Variants in BCKDK observed in about 807,000 individuals in gnomAD.
BCKDK encodes the protein branched-chain alpha-ketoacid dehydrogenase kinase.
Under a neutral mutation model 43.9 loss-of-function variants are expected in BCKDK, and 28 were observed. The ratio of observed to expected loss-of-function variants is 0.64; its 90% CI spans 0.47 to 0.87. The LOEUF (loss-of-function observed/expected upper bound fraction) is 0.87. Ranked by LOEUF, BCKDK falls within the 40% of genes least tolerant of loss-of-function variation. The pLI, the probability that BCKDK is intolerant of heterozygous loss-of-function variation, is 0.00. For synonymous variants in BCKDK, 257 were observed against 234.3 expected (o/e 1.10, Z -0.88); for missense variants, 483 against 581.4 (o/e 0.83, Z 1.74).
chr16:31,115,530 CT>C (rs1291190244), downstream of BCKDK, among the ~76,000 whole-genome samples: 1 of 151,692 alleles, frequency 6.6e-6, no homozygotes, highest in Non-Finnish European at 1.5e-5. Context: ...GCCTCCTTTT[CT>C]TTCCCCCCTT....
downstream of BCKDK, among the ~76,000 whole-genome samples, chr16:31,114,716 T>C (rs568833450): frequency 1.4e-4 from 21 of 152,306 alleles, no homozygotes; most frequent in Admixed American, 5.2e-4. Context: ...GTTCAACCGT[T>C]ACATAGTTAT....
downstream of BCKDK, chr16:31,115,715 T>C (rs1159953321): frequency 6.6e-6 from 1 of 150,398 alleles, no homozygotes; most frequent in East Asian, 2.0e-4. Context: ...CCCAAATTTT[T>C]AGTAGAAAGG....
chr16:31,115,978 C>G (rs1343028865), downstream of BCKDK: 1 of 152,216 alleles, frequency 6.6e-6, no homozygotes, highest in African/African-American at 2.4e-5. Flanking sequence ...GTGGCGTGAT[C>G]TCAGCTCACT....
rs2057390938 is a variant in BCKDK, at chr16:31,109,401, G to A, written c.178G>A (p.Asp60Asn). 2 of 1,607,972 alleles carry A rather than the reference G, an allele frequency of 1.2e-6. No homozygotes were observed. Among genetic ancestry groups the A allele is most frequent in the Non-Finnish European group, 1.7e-6 (2 of 1,176,040 alleles). Residue 60 changes from aspartate to asparagine, a missense_variant, in exon 2 of 12, where the codon GAC (aspartate) becomes AAC (asparagine). Asp to Asn is a conservative substitution (Grantham distance 23, BLOSUM62 1). Coordinates refer to ENST00000219794, the MANE Select transcript of BCKDK (RefSeq NM_005881.4). This position sits in a 1 kb window ranked among gnomAD's most constrained non-coding sequence, Gnocchi z 5.3. ...CTCCTTTTACAACCAGTCGGCCATC[G>A]ACGCGGCAGCGGAGAAGGTGCGCAA... is the stretch of plus-strand genomic sequence containing the variant. ...VTSFYNQSAIDAAAEKPSVRL... is the reference protein window; with the variant it reads ...VTSFYNQSAINAAAEKPSVRL...
chr16:31,117,555 A>G (rs9923138), downstream of BCKDK: 3,264 of 737,656 alleles, frequency 4.4e-3, 103 homozygotes, highest in African/African-American at 0.055. Context: ...CGGCCACAGA[A>G]GCCAATCGGC....
chr16:31,110,952 G>T lies in BCKDK; in HGVS notation c.717-139G>T. On this transcript the variant is annotated intron_variant, in intron 8 of 11. Transcript: ENST00000219794. The surrounding 1 kb of genome is among the most constrained non-coding windows in gnomAD (Gnocchi z 5.4). ...GTTAGGAAGTTCAGCAGCATCCCTG[G>T]CGCCAGCAGTACTGCCTAGTTGTGA... 7.1e-7 allele frequency: 1 copy of T among 1,416,890 alleles called. No homozygotes were observed. 87.8% of individuals were successfully genotyped at this position (1,416,890 alleles called of 1,614,324 possible).
downstream of BCKDK, chr16:31,117,609 G>GC (rs2143959098): frequency 8.3e-7 from 1 of 1,212,092 alleles, no homozygotes; most frequent in South Asian, 2.1e-5. Context: ...TGAGGAGCCC[G>GC]CCCCACGCAC....
chr16:31,110,123 C>A lies in BCKDK; in HGVS notation c.422C>A (p.Pro141Gln), dbSNP rs765220841. 3.7e-6 allele frequency: 6 copies of A among 1,614,054 alleles called. No homozygotes were observed. Among genetic ancestry groups the A allele is most frequent in the Admixed American group, 1.7e-5 (1 of 59,998 alleles). Reference sequence around the variant, plus strand: ...TTCCAGAAGCTGACAGACTTCCCTCCGGTGAGTGCTGGGCCAGAGCAGGGT... The same window carrying A: ...TTCCAGAAGCTGACAGACTTCCCTCAGGTGAGTGCTGGGCCAGAGCAGGGT... ...RAFQKLTDFP[P>Q]IKDQADEAQY... Residue 141 changes from proline to glutamine, a missense_variant and splice_region_variant, in exon 5 of 12, where the codon CCG becomes CAG. Transcript: ENST00000219794. This position sits in a 1 kb window ranked among gnomAD's most constrained non-coding sequence, Gnocchi z 5.4.
rs1464099534 is a variant in BCKDK at position 31,110,752 on chromosome 16, A to G, written c.707A>G (p.Asp236Gly). 2 of 1,613,976 alleles carry G rather than the reference A, an allele frequency of 1.2e-6. No homozygotes were observed. Among genetic ancestry groups the G allele is most frequent in the Admixed American group, 3.3e-5 (2 of 59,998 alleles). The change falls in exon 8 of 12, where the codon GAC (aspartate) becomes GGC (glycine). Residue 236 changes from aspartate (D) to glycine (G), a missense_variant. Coordinates refer to ENST00000219794, the MANE Select transcript of BCKDK (RefSeq NM_005881.4). This position sits in a 1 kb window ranked among gnomAD's most constrained non-coding sequence, Gnocchi z 5.4. ...AAGAAGATTATTGAGAAGTGGGTGG[A>G]CTTTGCCAGGTGAGGCAAGAATGGC... ...SPKKIIEKWVDFARRLCEHKY... is the reference protein window; with the variant it reads ...SPKKIIEKWVGFARRLCEHKY...
rs2057403436 is a variant in BCKDK, at chr16:31,110,594, T to C, written c.643-94T>C. 1 of 1,587,690 alleles carries C rather than the reference T, an allele frequency of 6.3e-7. No individual in the cohort carries two copies. The highest frequency in any genetic ancestry group is 1.7e-5 in the Admixed American group (1 of 59,948). On this transcript the variant is annotated intron_variant, in intron 7 of 11. Coordinates refer to ENST00000219794, the MANE Select transcript of BCKDK (RefSeq NM_005881.4). The surrounding 1 kb of genome is among the most constrained non-coding windows in gnomAD (Gnocchi z 5.4). The stretch of plus-strand genomic sequence containing the variant: ...GGGTCAAGGGCCTGGGGGCTGAGGC[T>C]GTGGGGCTGGTGCTTTGGGGCAGTT...
At chr16:31,114,043 G>C (rs57946146), downstream of BCKDK, among the ~76,000 whole-genome samples, 411 of 152,282 alleles carry the variant, frequency 2.7e-3, 1 homozygote, top group African/African-American at 9.5e-3. Context: ...TTGGGAAAGT[G>C]AACAGCTCTA....
At position 31,111,836 on chromosome 16, in the gene BCKDK, G is replaced by A. The variant is rs2057414576; in HGVS notation, c.936-33G>A. On this transcript the variant is annotated intron_variant, in intron 10 of 11. Transcript: ENST00000219794. ...GGGTGGTGAGTACCCCATCAAAGCTGAGCCAAGCCCATTGTTGTTGCCATC... is the reference window on the plus strand; with the variant it reads ...GGGTGGTGAGTACCCCATCAAAGCTAAGCCAAGCCCATTGTTGTTGCCATC... 8.7e-6 allele frequency: 14 copies of A among 1,612,686 alleles called. 1 individual carries two copies. The highest frequency in any genetic ancestry group is 1.7e-4 in the Middle Eastern group (1 of 6,054).
At position 31,109,281 on chromosome 16, in the gene BCKDK, C is replaced by CT; in HGVS notation, c.59dup (p.Leu21ProfsTer107). ...CGGGGGCGGGCTTCCGCTCCGGCCC[C>CT]TCCTGGGACCCGCACTCGCGCTCCG... On this transcript the variant is annotated frameshift_variant, in exon 2 of 12. Transcript: ENST00000219794. LOFTEE classifies it high-confidence loss of function. This position sits in a 1 kb window ranked among gnomAD's most constrained non-coding sequence, Gnocchi z 5.3. 1 of 1,597,870 alleles carries CT rather than the reference C, an allele frequency of 6.3e-7. No homozygotes were observed. The highest frequency in any genetic ancestry group is 8.5e-7 in the Non-Finnish European group (1 of 1,172,114).
rs2057398984 is a variant in BCKDK, at chr16:31,110,196, G to T, written c.424-9G>T. On this transcript the variant is annotated splice_polypyrimidine_tract_variant and intron_variant, in intron 5 of 11. Coordinates refer to ENST00000219794, the MANE Select transcript of BCKDK (RefSeq NM_005881.4). The surrounding 1 kb of genome is among the most constrained non-coding windows in gnomAD (Gnocchi z 5.4). Reference sequence around the variant, plus strand: ...GGACCACCCTTCCTCATGACTCTGTGACCTGCAGATCAAGGACCAGGCGGA... The same window carrying T: ...GGACCACCCTTCCTCATGACTCTGTTACCTGCAGATCAAGGACCAGGCGGA... 2 of 1,614,124 alleles carry T rather than the reference G, an allele frequency of 1.2e-6. No individual in the cohort carries two copies. The highest frequency in any genetic ancestry group is 1.7e-6 in the Non-Finnish European group (2 of 1,180,014).
Position 31,110,546 on chromosome 16 carries a change from A to T in BCKDK, c.642+47A>T. 1 of 1,605,500 alleles carries T rather than the reference A, an allele frequency of 6.2e-7. No individual in the cohort carries two copies. Among genetic ancestry groups the T allele is most frequent in the East Asian group, 2.2e-5 (1 of 44,838 alleles). On this transcript the variant is annotated intron_variant, in intron 7 of 11. Transcript: ENST00000219794. The surrounding 1 kb of genome is among the most constrained non-coding windows in gnomAD (Gnocchi z 5.4). ...CCCACCTGGGAACATTAAGTGAGAC[A>T]GAGGAGACTGGGCTGGGGATCCGGG...
chr16:31,110,798 T>G lies in BCKDK; in HGVS notation c.716+37T>G, dbSNP rs1232632560. 8 of 1,597,968 alleles carry G rather than the reference T, an allele frequency of 5.0e-6. No homozygotes were observed. Among genetic ancestry groups the G allele is most frequent in the Non-Finnish European group, 6.0e-6 (7 of 1,165,528 alleles). ...ATGGCTCAGGGGGTGGGCAGACATCTGGGGCAGGGAAGGCTTGGGTCTGAG... is the reference window on the plus strand; with the variant it reads ...ATGGCTCAGGGGGTGGGCAGACATCGGGGGCAGGGAAGGCTTGGGTCTGAG... On this transcript the variant is annotated intron_variant, in intron 8 of 11. Coordinates refer to ENST00000219794, the MANE Select transcript of BCKDK (RefSeq NM_005881.4). The surrounding 1 kb of genome is among the most constrained non-coding windows in gnomAD (Gnocchi z 5.4).
In BCKDK at chr16:31,109,606, C is replaced by G. The variant is rs766738427; in HGVS notation, c.264+27C>G. The G allele has an allele frequency of 6.2e-7, 1 of 1,613,948 alleles. No individual in the cohort carries two copies. The highest frequency in any genetic ancestry group is 8.5e-7 in the Non-Finnish European group (1 of 1,179,912). On this transcript the variant is annotated intron_variant, in intron 3 of 11. Transcript: ENST00000219794. This position sits in a 1 kb window ranked among gnomAD's most constrained non-coding sequence, Gnocchi z 5.3. ...TAAGATTCACGCCCTCTATTTTCCT[C>G]GTGGATCCTGGAGCTCTCCCAGACA... is the stretch of plus-strand genomic sequence containing the variant.
In BCKDK at chr16:31,112,324, C is replaced by G. The variant is rs1482950246; in HGVS notation, c.*59C>G. The stretch of plus-strand genomic sequence containing the variant: ...CTGGGCCGCATTCCCTGCAGGACCT[C>G]CCGGGTCAGGCAGGGCGGCCCCCTG... On this transcript the variant is annotated 3_prime_UTR_variant, in exon 12 of 12. Coordinates refer to ENST00000219794, the MANE Select transcript of BCKDK (RefSeq NM_005881.4). The surrounding 1 kb of genome is among the most constrained non-coding windows in gnomAD (Gnocchi z 5.0). 6.3e-7 allele frequency: 1 copy of G among 1,599,468 alleles called. No individual in the cohort carries two copies. Among genetic ancestry groups the G allele is most frequent in the Non-Finnish European group, 8.5e-7 (1 of 1,179,162 alleles).
In BCKDK at chr16:31,108,539, C is replaced by G. The variant is rs562927698; in HGVS notation, c.-178+60C>G. 1 of 152,168 alleles carries G rather than the reference C, an allele frequency of 6.6e-6. No homozygotes were observed. The highest frequency in any genetic ancestry group is 2.1e-4 in the South Asian group (1 of 4,826). 9.4% of individuals were successfully genotyped at this position (152,168 alleles called of 1,614,324 possible). A position where few individuals can be genotyped will look rare whatever the true frequency, so the allele number is the denominator to read the frequency against. Reference sequence around the variant, plus strand: ...GAGGCCCCGCGGCGCACGTCCGCAGCCTCCATCACAGCGCGGGCGCGCAGA... The same window carrying G: ...GAGGCCCCGCGGCGCACGTCCGCAGGCTCCATCACAGCGCGGGCGCGCAGA... On this transcript the variant is annotated intron_variant, in intron 1 of 11. Transcript: ENST00000219794. This position sits in a 1 kb window ranked among gnomAD's most constrained non-coding sequence, Gnocchi z 6.2.
Sources: gnomAD v4.1 joint callset for allele counts (sites outside exome capture counted in the v4.1 genomes callset) on GRCh38, gnomAD v4.1.1 for gene constraint, Gnocchi (gnomAD v3.1) non-coding constraint, MANE v1.5 for transcripts, NCBI Gene and HGNC (gene_info 2026-07-23, HGNC 2026-07-21) for gene names.